Variants in LMAN2L observed in about 807,000 individuals in gnomAD.
LMAN2L encodes the protein lectin, mannose binding 2 like, also known as VIP36-like protein.
LMAN2L carries 30 observed loss-of-function variants against 44.3 expected under a neutral mutation model. The ratio of observed to expected loss-of-function variants is 0.68; its 90% confidence interval spans 0.51 to 0.92. LMAN2L has a LOEUF of 0.92. LMAN2L is among the 40% of genes least tolerant of loss of function. The pLI is 0.00. For missense variants in LMAN2L, 429 were observed against 446.1 expected (o/e 0.96, Z 0.35); for synonymous variants, 183 against 171.1 (o/e 1.07, Z -0.54).
chr2:96,738,412 C>G lies in LMAN2L; in HGVS notation c.188-345G>C, dbSNP rs2078560705. On this transcript the variant is annotated intron_variant, in intron 1 of 7. Coordinates refer to ENST00000264963, the MANE Select transcript of LMAN2L (RefSeq NM_030805.4). ...GAGTTTGACAGGCCAGGTGCAGTGG[C>G]TCACCCATGTAATCCCCACACTTTG... 2.0e-5 allele frequency among the ~76,000 whole-genome samples: 3 copies of G among 152,150 alleles called. No individual in the cohort carries two copies. The South Asian group carries it at 6.2e-4, about 32-fold the overall frequency.
chr2:96,736,880 T>C (rs1338280589), intron 2 of LMAN2L, among the ~76,000 whole-genome samples: 3 of 152,178 alleles, frequency 2.0e-5, no homozygotes, highest in Admixed American at 1.3e-4. Context: ...GGCACTATGA[T>C]CTAGGTTAAG....
At chr2:96,714,273 A>G (rs2077988487) in intron 4 of LMAN2L, among the ~76,000 whole-genome samples, 1 of 152,246 alleles carries the variant, frequency 6.6e-6, no homozygotes, top group Non-Finnish European at 1.5e-5. Context: ...TGGCACATTC[A>G]AGGAACTGGA....
chr2:96,708,150 A>T (rs1396164147), intron 6 of LMAN2L, among the ~76,000 whole-genome samples: 1 of 152,250 alleles, frequency 6.6e-6, no homozygotes, highest in Non-Finnish European at 1.5e-5. Context: ...CCATACTTCA[A>T]AATTTGAGTT....
At chr2:96,722,210 C>T (rs775856545) in intron 4 of LMAN2L, among the ~76,000 whole-genome samples, 5 of 152,048 alleles carry the variant, frequency 3.3e-5, no homozygotes, top group Admixed American at 6.6e-5. Context: ...CCTCGTGATC[C>T]GCCCACCTTG....
chr2:96,732,684 A>G (rs2078428915), intron 4 of LMAN2L, among the ~76,000 whole-genome samples: 1 of 150,642 alleles, frequency 6.6e-6, no homozygotes. Flanking sequence ...GCACTAAAAA[A>G]CTCTTAGGTC....
rs1487058487 is a variant in LMAN2L, at chr2:96,706,108, C to T, written c.*1148G>A. ...CAGTGGAATAAGGGTTGACAGAGGC[C>T]AGCACTCAGGCTGTGCTGCTCAATG... On this transcript the variant is annotated 3_prime_UTR_variant, in exon 8 of 8. Coordinates refer to ENST00000264963, the MANE Select transcript of LMAN2L (RefSeq NM_030805.4). 6.6e-6 allele frequency: 1 copy of T among 152,554 alleles called. No individual in the cohort carries two copies. The highest frequency in any genetic ancestry group is 2.4e-5 in the African/African-American group (1 of 41,408). The allele number at this position is 152,554 out of a possible 1,614,324, so 9.5% of individuals were successfully genotyped here. A position where few individuals can be genotyped will look rare whatever the true frequency, so the allele number is the denominator to read the frequency against.
Position 96,734,726 on chromosome 2 carries a change from A to G in LMAN2L, c.307-200T>C. On this transcript the variant is annotated intron_variant, in intron 2 of 7. Coordinates refer to ENST00000264963, the MANE Select transcript of LMAN2L (RefSeq NM_030805.4). ...CCATTCAACTGTTTAGAGATTTAAT[A>G]TGAAAATGAATAAACCTCCCGATTA... 5.3e-6 allele frequency: 3 copies of G among 565,902 alleles called. No individual in the cohort carries two copies. The South Asian group carries it at 6.9e-5, about 13-fold the overall frequency. 35.1% of individuals were successfully genotyped at this position (565,902 alleles called of 1,614,324 possible). A position where few individuals can be genotyped will look rare whatever the true frequency, so the allele number is the denominator to read the frequency against.
rs1206148090 is a variant in LMAN2L, at chr2:96,706,496, A to G, written c.*760T>C. 6.6e-6 allele frequency: 1 copy of G among 152,130 alleles called. No individual in the cohort carries two copies. Among genetic ancestry groups the G allele is most frequent in the African/African-American group, 2.4e-5 (1 of 41,422 alleles). 9.4% of individuals were successfully genotyped at this position (152,130 alleles called of 1,614,324 possible). On this transcript the variant is annotated 3_prime_UTR_variant, in exon 8 of 8. Transcript: ENST00000264963. Reference sequence around the variant, plus strand: ...CAGGCTTCTCTTGATTTTTACACCAACCTTTAGCCAAACTTCACTGAGGGC... The same window carrying G: ...CAGGCTTCTCTTGATTTTTACACCAGCCTTTAGCCAAACTTCACTGAGGGC...
chr2:96,727,862 TAATAA>T (rs1283282567), intron 4 of LMAN2L, among the ~76,000 whole-genome samples: 1 of 152,164 alleles, frequency 6.6e-6, no homozygotes, highest in Non-Finnish European at 1.5e-5. Context: ...GAGCTCAAAA[TAATAA>T]AGCAATAATA....
At position 96,713,028 on chromosome 2, in the gene LMAN2L, C is replaced by T. The variant is rs918128223; in HGVS notation, c.508-1003G>A. ...AGACCGGGGACTCCTGAGACAACCA[C>T]ATGGACTTGAAACAGCAACAAATGT... On this transcript the variant is annotated intron_variant, in intron 4 of 7. Transcript: ENST00000264963. 8 of 1,274,912 alleles carry T rather than the reference C, an allele frequency of 6.3e-6. No homozygotes were observed. In the Admixed American group the frequency reaches 1.0e-4, roughly 16 times the overall value. The allele number at this position is 1,274,912 out of a possible 1,614,324, so 79.0% of individuals were successfully genotyped here.
At chr2:96,736,080 T>C (rs955915223) in intron 2 of LMAN2L, among the ~76,000 whole-genome samples, 2 of 152,146 alleles carry the variant, frequency 1.3e-5, no homozygotes, top group African/African-American at 4.8e-5. Context: ...AGGTAGGTAT[T>C]ATGCCCCTGG....
chr2:96,725,503 C>T (rs867317035), intron 4 of LMAN2L, among the ~76,000 whole-genome samples: 5 of 148,564 alleles, frequency 3.4e-5, no homozygotes, highest in South Asian at 2.1e-4. Flanking sequence ...AGTGCAGTGG[C>T]GTAATCTTGG....
intron 6 of LMAN2L, among the ~76,000 whole-genome samples, chr2:96,708,333 A>G (rs2077831453): frequency 6.6e-6 from 1 of 152,246 alleles, no homozygotes; most frequent in Admixed American, 6.5e-5. Flanking sequence ...TTGTTACAGA[A>G]TAGGCTTTGT....
At position 96,712,041 on chromosome 2, in the gene LMAN2L, G is replaced by C. The variant is rs373810453; in HGVS notation, c.508-16C>G. 7 of 1,613,776 alleles carry C rather than the reference G, an allele frequency of 4.3e-6. No homozygotes were observed. Among genetic ancestry groups the C allele is most frequent in the Non-Finnish European group, 5.9e-6 (7 of 1,179,750 alleles). Reference sequence around the variant, plus strand: ...GGAATACCCGCTGGAAAGCAGAGAGGGGGAAGCAGACACTAAGGAAGAGCA... The same window carrying C: ...GGAATACCCGCTGGAAAGCAGAGAGCGGGAAGCAGACACTAAGGAAGAGCA... On this transcript the variant is annotated splice_polypyrimidine_tract_variant and intron_variant, in intron 4 of 7. Coordinates refer to ENST00000264963, the MANE Select transcript of LMAN2L (RefSeq NM_030805.4).
chr2:96,707,957 G>C, intron 6 of LMAN2L, 124 bp from the exon 7 acceptor site: 1 of 922,710 alleles, frequency 1.1e-6, no homozygotes, highest in Non-Finnish European at 1.6e-6. Flanking sequence ...AAAAATAATT[G>C]AAACCTCTCC....
intron 4 of LMAN2L, among the ~76,000 whole-genome samples, chr2:96,717,262 A>G (rs903352905): frequency 2.0e-5 from 3 of 152,048 alleles, no homozygotes; most frequent in Non-Finnish European, 4.4e-5. Context: ...AAGGATGGCC[A>G]GGTGTGGTGG....
At chr2:96,739,341 G>C (rs1463988865) in intron 1 of LMAN2L, among the ~76,000 whole-genome samples, 2 of 152,154 alleles carry the variant, frequency 1.3e-5, no homozygotes, top group Admixed American at 1.3e-4. Flanking sequence ...TAATTTTCTG[G>C]CTGATAAGCT....
chr2:96,739,319 G>A (rs141447285), intron 1 of LMAN2L, among the ~76,000 whole-genome samples: 37 of 152,286 alleles, frequency 2.4e-4, no homozygotes, highest in African/African-American at 8.2e-4. Flanking sequence ...ATCGTTTTGT[G>A]GCTAACTGCA....
chr2:96,719,357 C>T (rs1371083681), intron 4 of LMAN2L, among the ~76,000 whole-genome samples: 2 of 152,078 alleles, frequency 1.3e-5, no homozygotes, highest in Non-Finnish European at 2.9e-5. Flanking sequence ...TGCTTTCTTC[C>T]TTTCTCCCTC....
Sources: gnomAD v4.1 joint callset for allele counts (sites outside exome capture counted in the v4.1 genomes callset) on GRCh38, gnomAD v4.1.1 for gene constraint, MANE v1.5 for transcripts, NCBI Gene and HGNC (gene_info 2026-07-23, HGNC 2026-07-21) for gene names.